ADGRV1: variants seen among roughly 807,000 people sequenced by gnomAD.
ADGRV1 encodes the protein G-protein coupled receptor 98.
ADGRV1 carries 359 observed loss-of-function variants against 596.2 expected under a neutral mutation model. The observed-to-expected ratio is 0.60, with a 90% confidence interval of 0.55 to 0.66. The LOEUF is 0.66. ADGRV1 is among the 30% of genes least tolerant of loss of function. The pLI, the probability that ADGRV1 is intolerant of heterozygous loss-of-function variation, is 0.00. For synonymous variants in ADGRV1, 2,681 were observed against 2,679.2 expected (o/e 1.00, Z -0.02); for missense variants, 7,274 against 7,575.6 (o/e 0.96, Z 1.48).
chr5:90,888,910 A>G (rs1196581050), intron 83 of ADGRV1, among the ~76,000 whole-genome samples: 2 of 152,112 alleles, frequency 1.3e-5, no homozygotes, highest in Non-Finnish European at 2.9e-5. Context: ...TCCTCTGTCT[A>G]CTATTTTTCT....
At chr5:91,026,337 C>A (rs1030371287) in intron 85 of ADGRV1, among the ~76,000 whole-genome samples, 1 of 152,148 alleles carries the variant, frequency 6.6e-6, no homozygotes, top group Non-Finnish European at 1.5e-5. Context: ...AGCCAAAGAT[C>A]ATTTCACTGC....
intron 85 of ADGRV1, among the ~76,000 whole-genome samples, chr5:91,043,242 ATCTTC>A (rs1485625586): frequency 6.6e-6 from 1 of 152,212 alleles, no homozygotes; most frequent in African/African-American, 2.4e-5. Context: ...ATTTGTGTTC[ATCTTC>A]TAAAGGAAAC....
intron 83 of ADGRV1, among the ~76,000 whole-genome samples, chr5:90,883,400 A>G (rs1005982039): frequency 6.6e-6 from 1 of 152,166 alleles, no homozygotes; most frequent in South Asian, 2.1e-4. Flanking sequence ...TTACTTTAGT[A>G]GGTATAAAAT....
Position 90,628,751 on chromosome 5 carries a change from T to C in ADGRV1, c.1428T>C (p.Leu476=). ...CTCTTACTGTGGTTGATGATGATCT[T>C]CCAGAAGAGGCAGAAGCTTATCTAC... ...TIPLTVVDDD[L]PEEAEAYLLQ... Residue 476 remains leucine (L), a synonymous_variant, in exon 8 of 90, where the codon CTT becomes CTC. Coordinates refer to ENST00000405460, the MANE Select transcript of ADGRV1 (RefSeq NM_032119.4). 6.2e-7 allele frequency: 1 copy of C among 1,613,906 alleles called. No homozygotes were observed. The highest frequency in any genetic ancestry group is 1.1e-5 in the South Asian group (1 of 91,082).
intron 87 of ADGRV1, among the ~76,000 whole-genome samples, chr5:91,131,511 C>T (rs1235000407): frequency 6.6e-6 from 1 of 150,660 alleles, no homozygotes; most frequent in Non-Finnish European, 1.5e-5. Flanking sequence ...AGTACAGTGG[C>T]ATGATCTCGG....
At chr5:91,024,704 C>T (rs998786254) in intron 85 of ADGRV1, among the ~76,000 whole-genome samples, 3 of 152,160 alleles carry the variant, frequency 2.0e-5, no homozygotes, top group Admixed American at 6.5e-5. Flanking sequence ...ACAGCATGAG[C>T]GTTCTCCATA....
At chr5:90,940,659 C>G (rs1250649955) in intron 83 of ADGRV1, among the ~76,000 whole-genome samples, 1 of 152,098 alleles carries the variant, frequency 6.6e-6, no homozygotes, top group Non-Finnish European at 1.5e-5. Flanking sequence ...AAGCAAAAAG[C>G]CTTGCTCTGT....
At chr5:90,657,034 T>C (rs1769502007) in intron 20 of ADGRV1, among the ~76,000 whole-genome samples, 2 of 152,102 alleles carry the variant, frequency 1.3e-5, no homozygotes, top group South Asian at 4.2e-4. Flanking sequence ...ATACTTCTTA[T>C]GAATTCTCAC....
intron 1 of ADGRV1, among the ~76,000 whole-genome samples, chr5:90,585,530 A>G (rs1758642053): frequency 6.6e-6 from 1 of 152,188 alleles, no homozygotes; most frequent in Admixed American, 6.5e-5. Flanking sequence ...GGGCAAATGG[A>G]AGTGAGCCCC....
intron 85 of ADGRV1, among the ~76,000 whole-genome samples, chr5:91,035,853 T>G (rs1458429273): frequency 1.2e-5 from 1 of 80,694 alleles, no homozygotes; most frequent in African/African-American, 4.1e-5. Flanking sequence ...TGTATATATA[T>G]ATATATATTA....
At chr5:90,765,275 G>T (rs138812111) in intron 59 of ADGRV1, among the ~76,000 whole-genome samples, 1 of 152,148 alleles carries the variant, frequency 6.6e-6, no homozygotes, top group Non-Finnish European at 1.5e-5. Flanking sequence ...CTGCTGAGGG[G>T]AATGGTGACT....
intron 45 of ADGRV1, among the ~76,000 whole-genome samples, chr5:90,722,638 C>T (rs1432447602): frequency 7.4e-6 from 1 of 135,880 alleles, no homozygotes; most frequent in Non-Finnish European, 1.5e-5. Context: ...TCGCTTGAAC[C>T]TGGGAGGTGG....
intron 87 of ADGRV1, among the ~76,000 whole-genome samples, chr5:91,143,429 G>A (rs780220146): frequency 2.6e-5 from 4 of 152,174 alleles, no homozygotes; most frequent in African/African-American, 4.8e-5. Flanking sequence ...AAGGTGAAGA[G>A]GAGCTTTATT....
At chr5:90,797,175 C>G (rs546389289) in intron 70 of ADGRV1, among the ~76,000 whole-genome samples, 10 of 150,898 alleles carry the variant, frequency 6.6e-5, no homozygotes, top group African/African-American at 2.2e-4. Context: ...ACACAGACTG[C>G]CAAATTGGAT....
rs531638021 is a variant in ADGRV1 at position 90,681,206 on chromosome 5, C to T, written c.5525-109C>T. The T allele has an allele frequency of 5.0e-4, 571 of 1,147,772 alleles. 8 individuals are homozygous for T. Among genetic ancestry groups the T allele is most frequent in the Non-Finnish European group, 1.1e-4 (87 of 814,602 alleles). The allele number at this position is 1,147,772 out of a possible 1,614,324, so 71.1% of individuals were successfully genotyped here. A position where few individuals can be genotyped will look rare whatever the true frequency, so the allele number is the denominator to read the frequency against. The stretch of plus-strand genomic sequence containing the variant: ...TTTCTAAAACAAATTAGAATGTACT[C>T]AATGAATGGAAGGACTCTTTTCAAA... On this transcript the variant is annotated intron_variant, in intron 26 of 89. Transcript: ENST00000405460.
At chr5:90,591,435 TCA>T (rs1759497158) in intron 1 of ADGRV1, among the ~76,000 whole-genome samples, 1 of 152,066 alleles carries the variant, frequency 6.6e-6, no homozygotes, top group Admixed American at 6.6e-5. Context: ...TTCTGATATA[TCA>T]CTTCTGAAAT....
intron 85 of ADGRV1, among the ~76,000 whole-genome samples, chr5:91,042,534 C>T (rs1785448949): frequency 6.6e-6 from 1 of 152,040 alleles, no homozygotes; most frequent in Admixed American, 6.6e-5. Context: ...GCACAAGTCT[C>T]TCTCTTTTTT....
At chr5:90,672,862 T>G (rs1247999228) in intron 22 of ADGRV1, 140 bp downstream of exon 22, 2 of 629,514 alleles carry the variant, frequency 3.2e-6, no homozygotes, top group Non-Finnish European at 5.3e-6. Flanking sequence ...ACATTAGAAT[T>G]TGCTTCAAAC....
intron 48 of ADGRV1, among the ~76,000 whole-genome samples, chr5:90,728,259 A>G (rs1407621654): frequency 2.0e-5 from 3 of 152,164 alleles, no homozygotes; most frequent in Admixed American, 6.5e-5. Context: ...TCTGTATTCT[A>G]TTGCTCGAGC....
Sources: allele counts gnomAD v4.1 joint callset (sites outside exome capture counted in the v4.1 genomes callset), GRCh38; gene constraint gnomAD v4.1.1; transcripts MANE v1.5; gene names NCBI Gene and HGNC (gene_info 2026-07-23, HGNC 2026-07-21).